PEX14: variants seen among roughly 807,000 people sequenced by gnomAD.
PEX14 encodes peroxisomal biogenesis factor 14, also known as peroxisomal membrane protein PEX14.
Under a neutral mutation model 49.5 loss-of-function variants are expected in PEX14, and 15 were observed. The observed-to-expected ratio is 0.30, with a 90% CI of 0.20 to 0.47. The LOEUF is 0.47. Among genes scored for constraint, PEX14 ranks in the 20% least tolerant of loss-of-function variants. The pLI is 1.00. For missense variants in PEX14, 398 were observed against 494.8 expected, an observed-to-expected ratio of 0.80 and a Z score of 1.86; for synonymous variants, 210 against 212.7, an observed-to-expected ratio of 0.99 and a Z score of 0.11.
chr1:10,547,416 A>G (rs777549851), intron 3 of PEX14, among the ~76,000 whole-genome samples: 1 of 152,148 alleles, frequency 6.6e-6, no homozygotes, highest in African/African-American at 2.4e-5. Context: ...GCTGCCATGG[A>G]GGGAAGCATT....
chr1:10,583,329 C>T (rs1640381964), intron 3 of PEX14, among the ~76,000 whole-genome samples: 1 of 151,246 alleles, frequency 6.6e-6, no homozygotes, highest in East Asian at 2.0e-4. Context: ...AAGCAGTCCT[C>T]CTGCTTCAGC....
chr1:10,507,413 C>T (rs61219479), intron 2 of PEX14, among the ~76,000 whole-genome samples: 107 of 152,348 alleles, frequency 7.0e-4, no homozygotes, highest in African/African-American at 2.3e-3. Context: ...GTGTGCTCTC[C>T]GTGGTTGGAG....
At chr1:10,506,120 G>A (rs1641778376) in intron 2 of PEX14, among the ~76,000 whole-genome samples, 1 of 152,156 alleles carries the variant, frequency 6.6e-6, no homozygotes, top group African/African-American at 2.4e-5. Context: ...CAGGCTCTTG[G>A]TGCTCTGAAC....
chr1:10,624,266 A>C lies in PEX14; in HGVS notation c.488-74A>C, dbSNP rs967893942. On this transcript the variant is annotated intron_variant, in intron 6 of 8. Transcript: ENST00000356607. The stretch of plus-strand genomic sequence containing the variant: ...TGGAGCGGGAACACGGGCAGCTCCG[A>C]GGTGTGCGGACCGAGCGAGGGGAAC... The C allele has an allele frequency of 5.4e-6, 5 of 926,628 alleles. No homozygotes were observed. The African/African-American group carries it at 6.5e-5, about 12-fold the overall frequency. The allele number at this position is 926,628 out of a possible 1,614,324, so 57.4% of individuals were successfully genotyped here.
At chr1:10,593,746 A>G (rs1037168163) in intron 3 of PEX14, among the ~76,000 whole-genome samples, 5 of 152,178 alleles carry the variant, frequency 3.3e-5, no homozygotes, top group African/African-American at 4.8e-5. Context: ...GGTGATATAT[A>G]ATATTTTTTT....
chr1:10,557,577 C>T (rs1458641023), intron 3 of PEX14, among the ~76,000 whole-genome samples: 1 of 152,176 alleles, frequency 6.6e-6, no homozygotes. Flanking sequence ...CAGAGTGAGA[C>T]TCTGTCTCAA....
rs1040634563 is a variant in PEX14, at chr1:10,628,835, G to A, written c.678-696G>A. ...CAGGCAGAGATGGGCCTGCCTGTTG[G>A]AGAGCTCTGTCTCTGAGCCGTTGCC... On this transcript the variant is annotated intron_variant, in intron 8 of 8. Coordinates refer to ENST00000356607, the MANE Select transcript of PEX14 (RefSeq NM_004565.3). The surrounding 1 kb of genome is among the most constrained non-coding windows in gnomAD (Gnocchi z 4.5). 1.3e-5 allele frequency among the ~76,000 whole-genome samples: 2 copies of A among 152,204 alleles called. No individual in the cohort carries two copies. Among genetic ancestry groups the A allele is most frequent in the African/African-American group, 2.4e-5 (1 of 41,446 alleles).
intron 4 of PEX14, among the ~76,000 whole-genome samples, chr1:10,612,579 C>T (rs1027391489): frequency 1.3e-5 from 2 of 152,128 alleles, no homozygotes; most frequent in African/African-American, 2.4e-5. Flanking sequence ...AGAGCAGAGA[C>T]GATCTGTTTC....
intron 4 of PEX14, among the ~76,000 whole-genome samples, chr1:10,600,674 C>T (rs185286301): frequency 8.9e-4 from 135 of 151,666 alleles, no homozygotes; most frequent in Middle Eastern, 3.4e-3. Context: ...GCCGAGATCA[C>T]GCCGCTGCAC....
At chr1:10,566,053 T>C (rs1379094299) in intron 3 of PEX14, among the ~76,000 whole-genome samples, 1 of 152,270 alleles carries the variant, frequency 6.6e-6, no homozygotes, top group Admixed American at 6.5e-5. Context: ...GGGTATTTGC[T>C]CACCTTTCTG....
chr1:10,501,734 G>C (rs1641684750), intron 2 of PEX14, among the ~76,000 whole-genome samples: 1 of 152,176 alleles, frequency 6.6e-6, no homozygotes, highest in Non-Finnish European at 1.5e-5. Context: ...CGGCAACATA[G>C]TGAAACCCTG....
At chr1:10,538,694 C>T (rs2124487037) in intron 3 of PEX14, among the ~76,000 whole-genome samples, 1 of 152,376 alleles carries the variant, frequency 6.6e-6, no homozygotes, top group Middle Eastern at 3.4e-3. Flanking sequence ...GGCACCGTCT[C>T]CGATGGGGAT....
intron 3 of PEX14, among the ~76,000 whole-genome samples, chr1:10,557,572 T>C (rs1011945790): frequency 6.6e-6 from 1 of 152,156 alleles, no homozygotes; most frequent in Admixed American, 6.5e-5. Flanking sequence ...GGCAACAGAG[T>C]GAGACTCTGT....
At chr1:10,492,262 G>A (rs761320565) in intron 1 of PEX14, among the ~76,000 whole-genome samples, 1 of 152,156 alleles carries the variant, frequency 6.6e-6, no homozygotes, top group Non-Finnish European at 1.5e-5. Flanking sequence ...GTTCCTTGGT[G>A]GAAACAATTC....
chr1:10,489,323 A>G (rs670666), intron 1 of PEX14, among the ~76,000 whole-genome samples: 61,694 of 152,096 alleles, frequency 0.41, 14,058 homozygotes, highest in Non-Finnish European at 0.51. Context: ...TTGTGAGTTC[A>G]GTATTGTTGA....
At chr1:10,615,922 A>T (rs1641401537) in intron 4 of PEX14, among the ~76,000 whole-genome samples, 1 of 152,192 alleles carries the variant, frequency 6.6e-6, no homozygotes, top group Admixed American at 6.5e-5. Flanking sequence ...GCCTTTTTTC[A>T]CAGACTGCCC....
At chr1:10,509,146 C>T (rs1390463603) in intron 2 of PEX14, among the ~76,000 whole-genome samples, 1 of 152,068 alleles carries the variant, frequency 6.6e-6, no homozygotes, top group African/African-American at 2.4e-5. Context: ...GATGGGGTTT[C>T]ACCATGTCAG....
At chr1:10,531,737 AG>A (rs772057774) in intron 2 of PEX14, among the ~76,000 whole-genome samples, 10 of 152,200 alleles carry the variant, frequency 6.6e-5, no homozygotes, top group Non-Finnish European at 2.9e-5. Flanking sequence ...TGTAGTACAC[AG>A]GAGTGCTGGA....
chr1:10,623,353 C>A lies in PEX14; in HGVS notation c.487+232C>A. On this transcript the variant is annotated intron_variant, in intron 6 of 8. Transcript: ENST00000356607. The surrounding 1 kb of genome is among the most constrained non-coding windows in gnomAD (Gnocchi z 4.4). Reference sequence around the variant, plus strand: ...TATGTTTTTACGGAAAGGCTCCCAACCTCAGAATATTAATAAGGGGAATAA... The same window carrying A: ...TATGTTTTTACGGAAAGGCTCCCAAACTCAGAATATTAATAAGGGGAATAA... 4 of 492,196 alleles carry A rather than the reference C, an allele frequency of 8.1e-6. No individual in the cohort carries two copies. Among genetic ancestry groups the A allele is most frequent in the South Asian group, 8.0e-5 (4 of 49,820 alleles). 30.5% of individuals were successfully genotyped at this position (492,196 alleles called of 1,614,324 possible).
Sources: gnomAD v4.1 joint callset for allele counts (sites outside exome capture counted in the v4.1 genomes callset) on GRCh38, gnomAD v4.1.1 for gene constraint, Gnocchi (gnomAD v3.1) non-coding constraint, MANE v1.5 for transcripts, NCBI Gene and HGNC (gene_info 2026-07-23, HGNC 2026-07-21) for gene names.